The following OLFM3 variants were observed in gnomAD, a reference collection of about 807,000 sequenced individuals.
OLFM3 encodes olfactomedin 3.
A neutral mutation model predicts 48.6 loss-of-function variants in OLFM3; 20 were observed. That is an observed-to-expected ratio of 0.41 (90% CI 0.29 to 0.60). The LOEUF (loss-of-function observed/expected upper bound fraction) is 0.60. Ranked by LOEUF, OLFM3 falls within the 20% of genes least tolerant of loss-of-function variation. The pLI, the probability that OLFM3 is intolerant of heterozygous loss-of-function variation, is 0.28. For synonymous variants in OLFM3, 222 were observed against 198.1 expected (o/e 1.12, Z -1.01); for missense variants, 437 against 544.3 (o/e 0.80, Z 1.96).
At chr1:101,809,268 T>TA (rs1205592464) in intron 4 of OLFM3, among the ~76,000 whole-genome samples, 1 of 151,734 alleles carries the variant, frequency 6.6e-6, no homozygotes, top group Admixed American at 6.6e-5. Context: ...AAAGTAGTTC[T>TA]AAAAAACTAC....
At chr1:101,903,218 C>T (rs1162090758) in intron 1 of OLFM3, among the ~76,000 whole-genome samples, 1 of 151,914 alleles carries the variant, frequency 6.6e-6, no homozygotes, top group Non-Finnish European at 1.5e-5. Flanking sequence ...AGAAGGGAAG[C>T]CCAAAGAGAG....
intron 1 of OLFM3, among the ~76,000 whole-genome samples, chr1:101,861,253 G>T (rs1267092540): frequency 6.6e-6 from 1 of 151,952 alleles, no homozygotes; most frequent in African/African-American, 2.4e-5. Flanking sequence ...GTAGAGACAG[G>T]GTTTCACTAT....
At position 101,830,841 on chromosome 1, in the gene OLFM3, A is replaced by G; in HGVS notation, c.217-14T>C. The G allele has an allele frequency of 6.2e-7, 1 of 1,610,814 alleles. No individual in the cohort carries two copies. The highest frequency in any genetic ancestry group is 8.5e-7 in the Non-Finnish European group (1 of 1,178,678). ...CATGTTCTGAACCTGTTGAACAAGA[A>G]TATTGTCTGTACATTATTATCTGTT... is the stretch of plus-strand genomic sequence containing the variant. On this transcript the variant is annotated splice_polypyrimidine_tract_variant and intron_variant, in intron 2 of 5. Coordinates refer to ENST00000370103, the MANE Select transcript of OLFM3 (RefSeq NM_058170.4).
chr1:101,912,184 T>C (rs1658782129), intron 1 of OLFM3, among the ~76,000 whole-genome samples: 1 of 152,174 alleles, frequency 6.6e-6, no homozygotes, highest in Admixed American at 6.5e-5. Context: ...CTTTTCGGGT[T>C]TCTGTGCTTA....
chr1:101,964,349 A>G (rs1364327328), intron 1 of OLFM3, among the ~76,000 whole-genome samples: 2 of 152,214 alleles, frequency 1.3e-5, no homozygotes, highest in Non-Finnish European at 2.9e-5. Flanking sequence ...TTTATATACC[A>G]CAACAAAGGG....
intron 1 of OLFM3, among the ~76,000 whole-genome samples, chr1:101,843,804 A>G (rs1198684105): frequency 6.6e-6 from 1 of 152,192 alleles, no homozygotes; most frequent in African/African-American, 2.4e-5. Flanking sequence ...CTATCATTCT[A>G]AAAAAGGACT....
intron 1 of OLFM3, among the ~76,000 whole-genome samples, chr1:101,876,673 A>G (rs1657313444): frequency 6.6e-6 from 1 of 151,974 alleles, no homozygotes; most frequent in Admixed American, 6.6e-5. Flanking sequence ...TCCAAATTAA[A>G]TATTGTAATT....
intron 1 of OLFM3, among the ~76,000 whole-genome samples, chr1:101,930,078 C>A (rs1047931736): frequency 6.6e-6 from 1 of 152,132 alleles, no homozygotes; most frequent in South Asian, 2.1e-4. Context: ...AAACTTACTG[C>A]TGGAAACCGT....
At chr1:101,819,157 G>GGGAA (rs1654479596) in intron 4 of OLFM3, among the ~76,000 whole-genome samples, 1 of 152,202 alleles carries the variant, frequency 6.6e-6, no homozygotes, top group Non-Finnish European at 1.5e-5. Context: ...TAGTTAAAGT[G>GGGAA]GGAAGGAAGG....
intron 1 of OLFM3, among the ~76,000 whole-genome samples, chr1:101,858,528 GGA>G (rs1323207800): frequency 6.6e-6 from 1 of 151,850 alleles, no homozygotes; most frequent in Admixed American, 6.6e-5. Context: ...GATATGGTTT[GGA>G]TTTGTGTCCC....
chr1:101,871,349 A>C (rs941681930), intron 1 of OLFM3, among the ~76,000 whole-genome samples: 1 of 152,154 alleles, frequency 6.6e-6, no homozygotes, highest in Non-Finnish European at 1.5e-5. Flanking sequence ...TAAAGTTCAA[A>C]TATTTTGTTT....
chr1:101,982,581 A>C (rs1388418641), intron 1 of OLFM3, among the ~76,000 whole-genome samples: 1 of 152,176 alleles, frequency 6.6e-6, no homozygotes, highest in Non-Finnish European at 1.5e-5. Flanking sequence ...TTAAAATTTG[A>C]ATTGGTAGGC....
chr1:101,957,732 G>T (rs1294052333), intron 1 of OLFM3, among the ~76,000 whole-genome samples: 1 of 152,036 alleles, frequency 6.6e-6, no homozygotes, highest in African/African-American at 2.4e-5. Context: ...GGAAGTAAGA[G>T]AGTAACAGTG....
At chr1:101,957,328 C>G (rs1408561645) in intron 1 of OLFM3, among the ~76,000 whole-genome samples, 1 of 151,976 alleles carries the variant, frequency 6.6e-6, no homozygotes, top group Non-Finnish European at 1.5e-5. Context: ...TAGCCAAAAA[C>G]TCTACAAGTC....
chr1:101,953,407 C>A (rs1368268525), intron 1 of OLFM3, among the ~76,000 whole-genome samples: 1 of 152,126 alleles, frequency 6.6e-6, no homozygotes, highest in African/African-American at 2.4e-5. Flanking sequence ...TGAGTAGTCA[C>A]AATAGATACT....
intron 1 of OLFM3, among the ~76,000 whole-genome samples, chr1:101,858,430 T>C (rs1656515697): frequency 6.6e-6 from 1 of 152,042 alleles, no homozygotes; most frequent in Admixed American, 6.6e-5. Flanking sequence ...TCTAGTGGGA[T>C]ACTGACAGGA....
Position 101,836,963 on chromosome 1 carries a change from C to T in OLFM3, c.132G>A (p.Arg44=), listed in dbSNP as rs376001746. 26 of 1,614,002 alleles carry T rather than the reference C, an allele frequency of 1.6e-5. No homozygotes were observed. The highest frequency in any genetic ancestry group is 2.1e-5 in the Non-Finnish European group (25 of 1,180,004). ...VYSSAQDPDG[R]CICTVVAPEQ... is the part of the protein sequence containing the mutation. ...CTGGAGCAACAACTGTGCAAATGCA[C>T]CGCCCATCAGGATCCTGAGCTGAGC... The change falls in exon 2 of 6, where the codon CGG becomes CGA. Residue 44 remains arginine, a synonymous_variant. Coordinates refer to ENST00000370103, the MANE Select transcript of OLFM3 (RefSeq NM_058170.4).
chr1:101,950,061 G>A (rs1660088581), intron 1 of OLFM3, among the ~76,000 whole-genome samples: 1 of 148,596 alleles, frequency 6.7e-6, no homozygotes, highest in Non-Finnish European at 1.5e-5. Flanking sequence ...AAAAGCCTCT[G>A]ATGGCTGCAG....
In OLFM3 at chr1:101,994,006, T is replaced by C. The variant is rs574664811; in HGVS notation, c.69+2742A>G. Among the ~76,000 whole-genome samples the C allele has an allele frequency of 7.9e-5, 12 of 151,508 alleles. No individual in the cohort carries two copies. In the South Asian group the frequency reaches 2.5e-3, roughly 31 times the overall value. On this transcript the variant is annotated intron_variant, in intron 1 of 5. Transcript: ENST00000370103. The stretch of plus-strand genomic sequence containing the variant: ...TTATAAATGTAAACATTATATAGTC[T>C]TCCATGAAATAGAATTGGCACTGTT...
Sources: allele counts gnomAD v4.1 joint callset (sites outside exome capture counted in the v4.1 genomes callset), GRCh38; gene constraint gnomAD v4.1.1; transcripts MANE v1.5; gene names NCBI Gene and HGNC (gene_info 2026-07-23, HGNC 2026-07-21).